Variants in MYPN observed in about 807,000 individuals in gnomAD.
The protein encoded by MYPN is sarcomeric protein myopalladin, 145 kDa (MYOP).
In MYPN, 63 loss-of-function variants were observed where a neutral mutation model predicts 129.4. The observed-to-expected ratio is 0.49, with a 90% CI of 0.40 to 0.60. The LOEUF (loss-of-function observed/expected upper bound fraction) is 0.60, where lower values mean the gene tolerates loss of function less well. Among genes scored for constraint, MYPN ranks in the 20% least tolerant of loss-of-function variants. The pLI is 0.00. For missense variants in MYPN, 1,596 were observed against 1,635.4 expected (o/e 0.98, Z 0.42); for synonymous variants, 629 against 600.9 (o/e 1.05, Z -0.68).
At chr10:68,134,284 G>A (rs1226249045) in intron 2 of MYPN, among the ~76,000 whole-genome samples, 2 of 151,930 alleles carry the variant, frequency 1.3e-5, no homozygotes, top group Admixed American at 1.3e-4. Context: ...TTCTAGATGA[G>A]GTGAAGGAGA....
intron 2 of MYPN, among the ~76,000 whole-genome samples, chr10:68,133,863 C>T (rs1002350575): frequency 6.6e-6 from 1 of 151,206 alleles, no homozygotes; most frequent in African/African-American, 2.4e-5. Context: ...GCTACTGGTA[C>T]ACAGTACATG....
chr10:68,110,332 C>T (rs1257257733), intron 1 of MYPN, among the ~76,000 whole-genome samples: 1 of 152,030 alleles, frequency 6.6e-6, no homozygotes, highest in Non-Finnish European at 1.5e-5. Context: ...CAGTCAGTGG[C>T]AAATGTTTGG....
intron 14 of MYPN, 97 bp from the exon 15 acceptor site, chr10:68,195,353 C>T: frequency 9.2e-7 from 1 of 1,089,346 alleles, no homozygotes; most frequent in Non-Finnish European, 1.4e-6. Context: ...CTCATAATAG[C>T]CAAAATTTCA....
At chr10:68,109,396 T>C (rs1431174528), upstream of MYPN, 3 of 409,378 alleles carry the variant, frequency 7.3e-6, no homozygotes, top group Admixed American at 5.3e-5. Context: ...TGTCCTGCTA[T>C]GGAATCCCTT....
At chr10:68,109,301 G>A (rs3814179), upstream of MYPN, 12,836 of 273,436 alleles carry the variant, frequency 0.047, 913 homozygotes, top group East Asian at 0.2. Flanking sequence ...CATTCCAAAC[G>A]TCAATCAATA....
chr10:68,144,210 C>G (rs1400734586), intron 3 of MYPN, among the ~76,000 whole-genome samples: 1 of 152,122 alleles, frequency 6.6e-6, no homozygotes, highest in Non-Finnish European at 1.5e-5. Context: ...AACTTATGCT[C>G]CTTTGTATCT....
chr10:68,123,829 T>TTA (rs1172022369), intron 2 of MYPN, among the ~76,000 whole-genome samples: 1 of 152,172 alleles, frequency 6.6e-6, no homozygotes, highest in African/African-American at 2.4e-5. Flanking sequence ...GGGCTACAAT[T>TTA]TATAGCCTAA....
upstream of MYPN, among the ~76,000 whole-genome samples, chr10:68,108,541 A>T (rs1206637309): frequency 1.3e-5 from 2 of 152,186 alleles, no homozygotes; most frequent in African/African-American, 2.4e-5. Context: ...GCTAGATTTA[A>T]ACCAATGTGT....
At chr10:68,188,504 G>C (rs1215690264) in intron 12 of MYPN, among the ~76,000 whole-genome samples, 4 of 151,598 alleles carry the variant, frequency 2.6e-5, no homozygotes, top group Admixed American at 6.6e-5. Context: ...GAAAAATCCA[G>C]TAGAGACAGG....
At chr10:68,142,095 C>T (rs574185328) in intron 2 of MYPN, among the ~76,000 whole-genome samples, 9 of 152,246 alleles carry the variant, frequency 5.9e-5, no homozygotes, top group East Asian at 1.9e-4. Flanking sequence ...ATTGTTGGGT[C>T]CAAGGATATT....
At chr10:68,203,958 A>G (rs2043766570) in intron 18 of MYPN, among the ~76,000 whole-genome samples, 1 of 151,696 alleles carries the variant, frequency 6.6e-6, no homozygotes, top group Non-Finnish European at 1.5e-5. Flanking sequence ...TTCTTTGGGA[A>G]CTCTCTTCGC....
chr10:68,196,879 A>C (rs1481933969), intron 15 of MYPN, among the ~76,000 whole-genome samples: 1 of 152,074 alleles, frequency 6.6e-6, no homozygotes, highest in African/African-American at 2.4e-5. Context: ...TTAAGTTCAT[A>C]GTCATCTTTA....
At chr10:68,125,395 C>G (rs1370145092) in intron 2 of MYPN, among the ~76,000 whole-genome samples, 1 of 152,162 alleles carries the variant, frequency 6.6e-6, no homozygotes, top group Non-Finnish European at 1.5e-5. Flanking sequence ...TGAGTTAGTA[C>G]TTAATTTTAT....
At chr10:68,120,624 T>C (rs1176533921) in intron 1 of MYPN, among the ~76,000 whole-genome samples, 3 of 152,138 alleles carry the variant, frequency 2.0e-5, no homozygotes, top group African/African-American at 7.2e-5. Context: ...AAAAGCATTG[T>C]TTACTTTCCA....
At chr10:68,188,812 G>A (rs953689246) in intron 12 of MYPN, 93 bp from the exon 13 acceptor site, 20 of 1,016,814 alleles carry the variant, frequency 2.0e-5, no homozygotes, top group African/African-American at 6.4e-5. Flanking sequence ...TAAATCTAAC[G>A]TCTGAATCTT....
chr10:68,210,391 C>T lies in MYPN; in HGVS notation c.3899C>T (p.Ser1300Phe), dbSNP rs1564704607. 3.1e-6 allele frequency: 5 copies of T among 1,614,150 alleles called. No homozygotes were observed. Among genetic ancestry groups the T allele is most frequent in the Non-Finnish European group, 4.2e-6 (5 of 1,180,022 alleles). ...CTTGACATATTTTCTGCCTTTTCCT[C>T]CATGGAAAGCACGATGGTGTATTCA... The part of the protein sequence containing the change: ...KGLDIFSAFS[S>F]MESTMVYSCS... Residue 1300 changes from serine (S) to phenylalanine (F), a missense_variant, in exon 20 of 20, where the codon TCC (serine) becomes TTC (phenylalanine). Coordinates refer to ENST00000358913, the MANE Select transcript of MYPN (RefSeq NM_032578.4).
intron 10 of MYPN, among the ~76,000 whole-genome samples, chr10:68,167,894 G>A (rs901427118): frequency 6.6e-6 from 1 of 152,154 alleles, no homozygotes; most frequent in Non-Finnish European, 1.5e-5. Context: ...GGCAGAAATG[G>A]GTAAACCAAA....
intron 8 of MYPN, chr10:68,162,182 A>C (rs2042988844): frequency 6.7e-6 from 1 of 150,016 alleles, no homozygotes; most frequent in East Asian, 1.9e-4. Flanking sequence ...AAAAAAAAAA[A>C]AAAAAAACAT....
intron 8 of MYPN, among the ~76,000 whole-genome samples, chr10:68,164,821 A>T (rs978229375): frequency 1.5e-4 from 23 of 152,242 alleles, no homozygotes; most frequent in African/African-American, 5.3e-4. Flanking sequence ...CAGTAATACA[A>T]AAGTAGAAAT....
Sources: allele counts gnomAD v4.1 joint callset (sites outside exome capture counted in the v4.1 genomes callset), GRCh38; gene constraint gnomAD v4.1.1; transcripts MANE v1.5; gene names NCBI Gene and HGNC (gene_info 2026-07-23, HGNC 2026-07-21).